Variants in DCC observed in about 807,000 individuals in gnomAD.
The protein encoded by DCC is netrin receptor DCC.
A neutral mutation model predicts 172.5 loss-of-function variants in DCC; 58 were observed. That is an observed-to-expected ratio of 0.34 (90% CI 0.27 to 0.42). The LOEUF is 0.42. Ranked by LOEUF, DCC falls within the 10% of genes least tolerant of loss-of-function variation. The pLI, the probability that DCC is intolerant of heterozygous loss-of-function variation, is 1.00. For missense variants in DCC, 1,740 were observed against 1,791.0 expected, an observed-to-expected ratio of 0.97 and a Z score of 0.51; for synonymous variants, 709 against 644.5, an observed-to-expected ratio of 1.10 and a Z score of -1.52.
intron 7 of DCC, among the ~76,000 whole-genome samples, chr18:53,078,923 T>C (rs1452110124): frequency 6.6e-6 from 1 of 152,156 alleles, no homozygotes; most frequent in African/African-American, 2.4e-5. Flanking sequence ...CAGTTTCCCA[T>C]ATTTCTTGGT....
chr18:53,198,357 A>T (rs932167793), intron 9 of DCC, among the ~76,000 whole-genome samples: 1 of 152,216 alleles, frequency 6.6e-6, no homozygotes, highest in African/African-American at 2.4e-5. Flanking sequence ...GGTTTCTATC[A>T]TAGGTAGAGT....
chr18:52,736,970 C>T (rs2036739969), intron 1 of DCC, among the ~76,000 whole-genome samples: 1 of 152,108 alleles, frequency 6.6e-6, no homozygotes, highest in Non-Finnish European at 1.5e-5. Flanking sequence ...CTTTGGCTTT[C>T]TGTCTCAAAA....
chr18:53,279,172 A>G (rs957892438), intron 12 of DCC, among the ~76,000 whole-genome samples: 2 of 152,130 alleles, frequency 1.3e-5, no homozygotes, highest in Non-Finnish European at 2.9e-5. Context: ...GTGATGATGA[A>G]CATTTTTTCA....
At chr18:52,716,939 C>T (rs2036393582) in intron 1 of DCC, among the ~76,000 whole-genome samples, 1 of 152,174 alleles carries the variant, frequency 6.6e-6, no homozygotes, top group Non-Finnish European at 1.5e-5. Flanking sequence ...AGATGGGAGG[C>T]TAAATGGAAT....
intron 1 of DCC, among the ~76,000 whole-genome samples, chr18:52,582,758 A>G (rs1325222663): frequency 6.6e-6 from 1 of 152,192 alleles, no homozygotes; most frequent in Non-Finnish European, 1.5e-5. Flanking sequence ...ACTCTCTTTT[A>G]TAGCTAGCCA....
intron 1 of DCC, among the ~76,000 whole-genome samples, chr18:52,653,012 T>A (rs1000428600): frequency 2.0e-5 from 3 of 152,112 alleles, no homozygotes; most frequent in Non-Finnish European, 4.4e-5. Context: ...AAAGCACACT[T>A]TTTTCCCCAT....
intron 2 of DCC, among the ~76,000 whole-genome samples, chr18:52,873,826 G>A (rs902274980): frequency 6.6e-6 from 1 of 152,220 alleles, no homozygotes. Context: ...TTTTCCATGA[G>A]TAGAATGTGA....
At chr18:53,310,691 A>G (rs550203237) in intron 13 of DCC, among the ~76,000 whole-genome samples, 6 of 152,288 alleles carry the variant, frequency 3.9e-5, no homozygotes, top group African/African-American at 1.4e-4. Context: ...TATAATAAAC[A>G]TAATAATAAA....
At chr18:52,637,089 C>T (rs1033644357) in intron 1 of DCC, among the ~76,000 whole-genome samples, 1 of 152,164 alleles carries the variant, frequency 6.6e-6, no homozygotes, top group Non-Finnish European at 1.5e-5. Context: ...CATTTTGGCT[C>T]ACAGGAAGCC....
chr18:52,433,047 A>G (rs959949847), intron 1 of DCC, among the ~76,000 whole-genome samples: 2 of 152,216 alleles, frequency 1.3e-5, no homozygotes, highest in Admixed American at 1.3e-4. Context: ...CTTTATTAGA[A>G]CATCAAATGA....
intron 1 of DCC, among the ~76,000 whole-genome samples, chr18:52,685,004 A>G (rs1226717214): frequency 6.6e-6 from 1 of 152,052 alleles, no homozygotes; most frequent in Non-Finnish European, 1.5e-5. Context: ...TTTTTTTACC[A>G]CTATGCAGAT....
intron 26 of DCC, among the ~76,000 whole-genome samples, chr18:53,491,371 C>A (rs2045957889): frequency 6.6e-6 from 1 of 152,030 alleles, no homozygotes; most frequent in Non-Finnish European, 1.5e-5. Context: ...ATGTAGATTT[C>A]TTTATTATAC....
At chr18:52,774,304 G>A (rs1875076843) in intron 2 of DCC, among the ~76,000 whole-genome samples, 1 of 152,162 alleles carries the variant, frequency 6.6e-6, no homozygotes, top group Non-Finnish European at 1.5e-5. Flanking sequence ...GTTTAGACCA[G>A]GCCCAGTTTG....
intron 2 of DCC, among the ~76,000 whole-genome samples, chr18:52,790,973 G>A (rs866659409): frequency 3.3e-5 from 5 of 152,270 alleles, no homozygotes; most frequent in Middle Eastern, 3.4e-3. Flanking sequence ...AACCCTCGTG[G>A]CATCACCTCC....
At chr18:53,403,653 CTAAT>C (rs567437040) in intron 19 of DCC, among the ~76,000 whole-genome samples, 122 of 152,112 alleles carry the variant, frequency 8.0e-4, no homozygotes, top group South Asian at 6.4e-3. Flanking sequence ...ACATTATAGT[CTAAT>C]TAACTTGAAC....
chr18:53,529,119 GA>G (rs916864900), intron 28 of DCC, among the ~76,000 whole-genome samples: 2 of 147,018 alleles, frequency 1.4e-5, no homozygotes, highest in Admixed American at 1.4e-4. Context: ...AGCCAAATTG[GA>G]AACTTTTCAG....
chr18:53,045,901 T>C (rs533062424), intron 5 of DCC, among the ~76,000 whole-genome samples: 1 of 152,060 alleles, frequency 6.6e-6, no homozygotes, highest in Admixed American at 6.6e-5. Flanking sequence ...GGTCAAAGAC[T>C]GTTTTCATCG....
At chr18:52,581,209 A>ATCTATCTATCTATCTATCTATCTATCTG (rs10529459) in intron 1 of DCC, among the ~76,000 whole-genome samples, 1 of 151,990 alleles carries the variant, frequency 6.6e-6, no homozygotes, top group African/African-American at 2.4e-5. Flanking sequence ...CTATCTATCT[A>ATCTATCTATCTATCTATCTATCTATCTG]AATTTGTAGT....
At chr18:53,193,976 T>C (rs999914122) in intron 9 of DCC, among the ~76,000 whole-genome samples, 2 of 152,214 alleles carry the variant, frequency 1.3e-5, no homozygotes, top group African/African-American at 4.8e-5. Flanking sequence ...ATACCTGTCA[T>C]TTATTGCTCT....
Sources: allele counts gnomAD v4.1 joint callset (sites outside exome capture counted in the v4.1 genomes callset), GRCh38; gene constraint gnomAD v4.1.1; transcripts MANE v1.5; gene names NCBI Gene and HGNC (gene_info 2026-07-23, HGNC 2026-07-21).